Variants in TPST2 observed in about 807,000 individuals in gnomAD.
The protein encoded by TPST2 is protein-tyrosine sulfotransferase 2.
A neutral mutation model predicts 27.8 loss-of-function variants in TPST2; 16 were observed. The observed-to-expected ratio is 0.58, with a 90% confidence interval of 0.39 to 0.88. The LOEUF (loss-of-function observed/expected upper bound fraction) is 0.88. Ranked by LOEUF, TPST2 falls within the 40% of genes least tolerant of loss-of-function variation. The pLI is 0.00. For missense variants in TPST2, 464 were observed against 543.1 expected (o/e 0.85, Z 1.45); for synonymous variants, 229 against 231.7 (o/e 0.99, Z 0.10).
At chr22:26,577,091 G>T (rs1264003105) in intron 1 of TPST2, among the ~76,000 whole-genome samples, 1 of 114,942 alleles carries the variant, frequency 8.7e-6, no homozygotes. Context: ...ACGAGACTCT[G>T]TTGCAAAAAA....
intron 1 of TPST2, among the ~76,000 whole-genome samples, chr22:26,550,977 T>A (rs1284963000): frequency 6.6e-6 from 1 of 152,130 alleles, no homozygotes; most frequent in Non-Finnish European, 1.5e-5. Context: ...CATGCAGCCT[T>A]AAAAATATTA....
At chr22:26,553,281 A>G (rs1366316196) in intron 1 of TPST2, among the ~76,000 whole-genome samples, 2 of 152,092 alleles carry the variant, frequency 1.3e-5, no homozygotes, top group Non-Finnish European at 2.9e-5. Flanking sequence ...GAAAAGAAAA[A>G]GAAGTGCACA....
At chr22:26,556,921 T>C (rs955423180) in intron 1 of TPST2, among the ~76,000 whole-genome samples, 3 of 152,154 alleles carry the variant, frequency 2.0e-5, no homozygotes, top group Non-Finnish European at 4.4e-5. Context: ...CTGATTTTAT[T>C]TTAAGAAGTA....
intron 1 of TPST2, among the ~76,000 whole-genome samples, chr22:26,556,571 C>T (rs915002926): frequency 2.0e-5 from 3 of 152,150 alleles, no homozygotes; most frequent in Non-Finnish European, 2.9e-5. Context: ...ACTGGTGATG[C>T]GAGTGCTGCC....
intron 1 of TPST2, chr22:26,550,686 A>T (rs1379467352): frequency 5.1e-6 from 5 of 984,710 alleles, no homozygotes; most frequent in South Asian, 4.7e-5. Flanking sequence ...CCAACATTCC[A>T]TTGCCATGGC....
Position 26,541,459 on chromosome 22 carries a change from T to C in TPST2, c.172A>G (p.Asn58Asp). 1 of 1,608,430 alleles carries C rather than the reference T, an allele frequency of 6.2e-7. No individual in the cohort carries two copies. The highest frequency in any genetic ancestry group is 8.5e-7 in the Non-Finnish European group (1 of 1,177,316). Residue 58 changes from asparagine (N) to aspartate (D), a missense_variant, in exon 3 of 7, where the codon AAC becomes GAC. Physicochemically the swap from Asn to Asp is conservative, Grantham distance 23 (BLOSUM62 1). Transcript: ENST00000338754. This position sits in a 1 kb window ranked among gnomAD's most constrained non-coding sequence, Gnocchi z 5.9. ...TTGCCATAGCGGTATTCCACGTGGT[T>C]GGTGCCCACCATCACCAGCTCCTCC... is the stretch of plus-strand genomic sequence containing the variant. ...EQEELVMVGT[N>D]HVEYRYGKAM...
At chr22:26,544,527 G>T in intron 2 of TPST2, 77 bp downstream of exon 2, 1 of 810,954 alleles carries the variant, frequency 1.2e-6, no homozygotes, top group Non-Finnish European at 1.5e-6. Context: ...GGAGGCTGGG[G>T]GCATGGAGGG....
intron 5 of TPST2, among the ~76,000 whole-genome samples, chr22:26,528,800 T>C (rs1279310486): frequency 6.6e-6 from 1 of 151,950 alleles, no homozygotes; most frequent in Non-Finnish European, 1.5e-5. Flanking sequence ...CTGGCCAACA[T>C]GGCAAAACTC....
chr22:26,550,527 A>T (rs1411303371), intron 1 of TPST2: 1 of 929,914 alleles, frequency 1.1e-6, no homozygotes, highest in Non-Finnish European at 1.3e-6. Context: ...GCAGGGGGGC[A>T]GGGAGGGGAC....
chr22:26,590,129 G>C lies in TPST2; in HGVS notation c.-237C>G, dbSNP rs988895732. The C allele has an allele frequency of 6.6e-6, 1 of 152,034 alleles. No homozygotes were observed. The highest frequency in any genetic ancestry group is 1.5e-5 in the Non-Finnish European group (1 of 68,022). The allele number at this position is 152,034 out of a possible 1,614,324, so 9.4% of individuals were successfully genotyped here. On this transcript the variant is annotated 5_prime_UTR_variant, in exon 1 of 7. Coordinates refer to ENST00000338754, the MANE Select transcript of TPST2 (RefSeq NM_003595.5). ...CCAGCCGCCCCAGCCGGGGAAGGGGGAGGTGCCCGCGCGGGGGCGGGGCCG... is the reference window on the plus strand; with the variant it reads ...CCAGCCGCCCCAGCCGGGGAAGGGGCAGGTGCCCGCGCGGGGGCGGGGCCG...
At chr22:26,578,686 C>A (rs1380485149) in intron 1 of TPST2, among the ~76,000 whole-genome samples, 2 of 152,090 alleles carry the variant, frequency 1.3e-5, no homozygotes, top group African/African-American at 4.8e-5. Context: ...GTCAAAGCAG[C>A]CACCAGCTCA....
At chr22:26,557,641 T>C (rs1428745351) in intron 1 of TPST2, among the ~76,000 whole-genome samples, 1 of 151,668 alleles carries the variant, frequency 6.6e-6, no homozygotes, top group African/African-American at 2.4e-5. Context: ...TGAGCATTGG[T>C]CTGGTTGTGA....
chr22:26,572,419 TC>T (rs1304131365), intron 1 of TPST2, among the ~76,000 whole-genome samples: 1 of 152,110 alleles, frequency 6.6e-6, no homozygotes, highest in Non-Finnish European at 1.5e-5. Context: ...ATTACTTGAG[TC>T]CTTGGATCTA....
intron 3 of TPST2, among the ~76,000 whole-genome samples, chr22:26,539,209 G>A (rs1925655127): frequency 6.6e-6 from 1 of 152,200 alleles, no homozygotes; most frequent in Non-Finnish European, 1.5e-5. Context: ...CTGGGAAGGG[G>A]CCCAGCAGGG....
intron 5 of TPST2, 128 bp downstream of exon 5, chr22:26,532,567 C>T: frequency 9.4e-7 from 1 of 1,066,128 alleles, no homozygotes; most frequent in Admixed American, 2.3e-5. Context: ...GCAGCCAGCT[C>T]ACATCCCCCT....
Position 26,560,369 on chromosome 22 carries a change from T to G in TPST2, c.-160-15694A>C, listed in dbSNP as rs547048526. 2.3e-4 allele frequency among the ~76,000 whole-genome samples: 35 copies of G among 152,158 alleles called. 1 individual carries two copies. ...GTCATCAGGTTCCTCATTTGTAAAATGAGAATCATATTGCAGCAGTGCCAT... is the reference window on the plus strand; with the variant it reads ...GTCATCAGGTTCCTCATTTGTAAAAGGAGAATCATATTGCAGCAGTGCCAT... On this transcript the variant is annotated intron_variant, in intron 1 of 6. Coordinates refer to ENST00000338754, the MANE Select transcript of TPST2 (RefSeq NM_003595.5).
intron 5 of TPST2, among the ~76,000 whole-genome samples, chr22:26,531,226 C>T (rs557140965): frequency 1.3e-5 from 2 of 152,136 alleles, no homozygotes; most frequent in Admixed American, 6.5e-5. Context: ...TACTGTCCTC[C>T]ACTGTGCACA....
intron 1 of TPST2, among the ~76,000 whole-genome samples, chr22:26,578,156 A>G (rs999447665): frequency 2.6e-5 from 4 of 152,156 alleles, no homozygotes; most frequent in Non-Finnish European, 5.9e-5. Flanking sequence ...CCGCCTCCCA[A>G]TCGCTCATTT....
In TPST2 at chr22:26,523,296, A is replaced by G. The variant is rs1165645178; in HGVS notation, c.*2979T>C. The stretch of plus-strand genomic sequence containing the variant: ...ACGTCTTTAAGATGATAATATTTAT[A>G]TGTTCAAAAATTTAAAGTCTGGAAG... On this transcript the variant is annotated 3_prime_UTR_variant, in exon 7 of 7. Transcript: ENST00000338754. 6.6e-6 allele frequency: 1 copy of G among 152,234 alleles called. No homozygotes were observed. The highest frequency in any genetic ancestry group is 1.5e-5 in the Non-Finnish European group (1 of 68,032). The allele number at this position is 152,234 out of a possible 1,614,324, so 9.4% of individuals were successfully genotyped here.
Sources: allele counts gnomAD v4.1 joint callset (sites outside exome capture counted in the v4.1 genomes callset), GRCh38; gene constraint gnomAD v4.1.1; non-coding constraint Gnocchi (gnomAD v3.1); transcripts MANE v1.5; gene names NCBI Gene and HGNC (gene_info 2026-07-23, HGNC 2026-07-21).